Variants in NKAIN2 observed in about 807,000 individuals in gnomAD.
The protein encoded by NKAIN2 is sodium/potassium transporting ATPase interacting 2.
In NKAIN2, 14 loss-of-function variants were observed where a neutral mutation model predicts 32.6. The ratio of observed to expected loss-of-function variants is 0.43; its 90% confidence interval spans 0.28 to 0.67. NKAIN2 has a LOEUF of 0.67. NKAIN2 is among the 30% of genes least tolerant of loss of function. NKAIN2 has a pLI of 0.17. For synonymous variants in NKAIN2, 80 were observed against 87.2 expected (o/e 0.92, Z 0.46); for missense variants, 198 against 258.3 (o/e 0.77, Z 1.60).
In NKAIN2 at chr6:124,744,918, T is replaced by C. The variant is rs541396629; in HGVS notation, c.475-46421T>C. 8.6e-5 allele frequency among the ~76,000 whole-genome samples: 13 copies of C among 151,970 alleles called. No homozygotes were observed. The East Asian group carries it at 2.5e-3, about 30-fold the overall frequency. On this transcript the variant is annotated intron_variant, in intron 4 of 6. Coordinates refer to ENST00000368417, the MANE Select transcript of NKAIN2 (RefSeq NM_001040214.3). Reference sequence around the variant, plus strand: ...TGGTAAAGTTCAAATAGGTGAGATGTCATCCTTGGCTACGTGCTAACTCCA... The same window carrying C: ...TGGTAAAGTTCAAATAGGTGAGATGCCATCCTTGGCTACGTGCTAACTCCA...
At chr6:124,583,204 A>C (rs1478163063) in intron 3 of NKAIN2, among the ~76,000 whole-genome samples, 1 of 144,722 alleles carries the variant, frequency 6.9e-6, no homozygotes, top group East Asian at 2.1e-4. Flanking sequence ...ATGATCTTAT[A>C]ATTGGTAAAA....
rs1000883032 is a variant in NKAIN2, at chr6:124,464,834, G to T, written c.273+109487G>T. On this transcript the variant is annotated intron_variant, in intron 3 of 6. Transcript: ENST00000368417. ...AGTTTTGTTCTTTTTGCTTAGGATT[G>T]TCTTGGCTATATGGGCTCTTTTTGG... Among the ~76,000 whole-genome samples the T allele has an allele frequency of 1.3e-5, 2 of 152,056 alleles. 1 individual carries two copies. The highest frequency in any genetic ancestry group is 2.9e-5 in the Non-Finnish European group (2 of 68,000).
At chr6:124,058,861 C>T (rs1048229342) in intron 1 of NKAIN2, among the ~76,000 whole-genome samples, 3 of 152,146 alleles carry the variant, frequency 2.0e-5, no homozygotes, top group East Asian at 1.9e-4. Flanking sequence ...GCTACCGTGG[C>T]GAAGTTTGCT....
At chr6:124,280,838 A>G (rs1795256587) in intron 1 of NKAIN2, among the ~76,000 whole-genome samples, 1 of 152,204 alleles carries the variant, frequency 6.6e-6, no homozygotes, top group South Asian at 2.1e-4. Flanking sequence ...AGAACATATG[A>G]TAATGCTACT....
chr6:124,061,203 A>G (rs932663547), intron 1 of NKAIN2, among the ~76,000 whole-genome samples: 1 of 152,182 alleles, frequency 6.6e-6, no homozygotes, highest in Non-Finnish European at 1.5e-5. Flanking sequence ...TAACACATGC[A>G]TCTTGAAGAT....
chr6:124,381,706 C>T (rs1477118655), intron 3 of NKAIN2, among the ~76,000 whole-genome samples: 5 of 152,004 alleles, frequency 3.3e-5, no homozygotes, highest in African/African-American at 4.8e-5. Context: ...TAAAGATTAG[C>T]CAAATATAAA....
chr6:123,926,477 G>T (rs1776009578), intron 1 of NKAIN2, among the ~76,000 whole-genome samples: 1 of 151,416 alleles, frequency 6.6e-6, no homozygotes, highest in African/African-American at 2.4e-5. Context: ...GATTGCTGCT[G>T]CAGTGTTCCC....
intron 1 of NKAIN2, among the ~76,000 whole-genome samples, chr6:123,979,230 T>A (rs1778783047): frequency 6.6e-6 from 1 of 152,196 alleles, no homozygotes; most frequent in Non-Finnish European, 1.5e-5. Flanking sequence ...AATATTTTAA[T>A]GTCAATTTAA....
chr6:124,568,336 G>A (rs1278875558), intron 3 of NKAIN2, among the ~76,000 whole-genome samples: 1 of 152,130 alleles, frequency 6.6e-6, no homozygotes, highest in African/African-American at 2.4e-5. Flanking sequence ...ACAAATGAAG[G>A]GAGGATTACT....
chr6:124,468,120 G>C (rs889933383), intron 3 of NKAIN2, among the ~76,000 whole-genome samples: 1 of 151,770 alleles, frequency 6.6e-6, no homozygotes, highest in Non-Finnish European at 1.5e-5. Context: ...GAATAACATG[G>C]GTATATCTTA....
chr6:124,314,373 A>G (rs773133247), intron 2 of NKAIN2, among the ~76,000 whole-genome samples: 3 of 152,134 alleles, frequency 2.0e-5, no homozygotes, highest in East Asian at 3.9e-4. Context: ...CATTACTCCT[A>G]TAAGTTTTGC....
chr6:124,409,845 C>T (rs1163717312), intron 3 of NKAIN2, among the ~76,000 whole-genome samples: 1 of 152,148 alleles, frequency 6.6e-6, no homozygotes, highest in Non-Finnish European at 1.5e-5. Flanking sequence ...GGTTGGTAAT[C>T]TATTAATCAT....
At chr6:123,911,801 G>GTATATATGTATATA (rs1775203505) in intron 1 of NKAIN2, among the ~76,000 whole-genome samples, 6 of 58,400 alleles carry the variant, frequency 1.0e-4, no homozygotes, top group Admixed American at 4.2e-4. Flanking sequence ...ATATATATAT[G>GTATATATGTATATA]TATATATATA....
intron 4 of NKAIN2, among the ~76,000 whole-genome samples, chr6:124,746,898 C>A (rs1240895588): frequency 6.6e-6 from 1 of 151,858 alleles, no homozygotes; most frequent in Non-Finnish European, 1.5e-5. Context: ...GTCACTTTCA[C>A]TTCTATAATT....
chr6:124,596,749 G>A lies in NKAIN2; in HGVS notation c.274-61437G>A, dbSNP rs543258288. 4.7e-5 allele frequency among the ~76,000 whole-genome samples: 7 copies of A among 150,344 alleles called. No homozygotes were observed. In the South Asian group the frequency reaches 1.5e-3, roughly 32 times the overall value. On this transcript the variant is annotated intron_variant, in intron 3 of 6. Transcript: ENST00000368417. Reference sequence around the variant, plus strand: ...AATAAATATAAATCTATATATACATGTATATACACAGAGGTATATATGTAT... The same window carrying A: ...AATAAATATAAATCTATATATACATATATATACACAGAGGTATATATGTAT...
chr6:124,570,302 G>A (rs115437928), intron 3 of NKAIN2, among the ~76,000 whole-genome samples: 357 of 152,290 alleles, frequency 2.3e-3, no homozygotes, highest in African/African-American at 8.4e-3. Flanking sequence ...ATTCAAGCTG[G>A]CTGCAGACAT....
chr6:123,959,770 A>G (rs1777756873), intron 1 of NKAIN2, among the ~76,000 whole-genome samples: 1 of 149,452 alleles, frequency 6.7e-6, no homozygotes, highest in Non-Finnish European at 1.5e-5. Flanking sequence ...ATGTCTCATG[A>G]TCTTTTCCTC....
At chr6:124,500,955 T>TA (rs1778267501) in intron 3 of NKAIN2, among the ~76,000 whole-genome samples, 1 of 152,106 alleles carries the variant, frequency 6.6e-6, no homozygotes, top group South Asian at 2.1e-4. Flanking sequence ...CTAGGAGACT[T>TA]ACCACATGCA....
chr6:124,213,009 T>G (rs188828876), intron 1 of NKAIN2, among the ~76,000 whole-genome samples: 1 of 152,236 alleles, frequency 6.6e-6, no homozygotes, highest in African/African-American at 2.4e-5. Flanking sequence ...TTTCTTTGCT[T>G]TTACTTAGCT....
Sources: gnomAD v4.1 joint callset for allele counts (sites outside exome capture counted in the v4.1 genomes callset) on GRCh38, gnomAD v4.1.1 for gene constraint, MANE v1.5 for transcripts, NCBI Gene and HGNC (gene_info 2026-07-23, HGNC 2026-07-21) for gene names.